ICA1: variants seen among roughly 807,000 people sequenced by gnomAD.
ICA1 encodes the protein islet cell autoantigen 1.
ICA1 carries 40 observed loss-of-function variants against 71.0 expected under a neutral mutation model. The ratio of observed to expected loss-of-function variants is 0.56; its 90% confidence interval spans 0.44 to 0.73. The LOEUF is 0.73. Among genes scored for constraint, ICA1 ranks in the 30% least tolerant of loss-of-function variants. The pLI is 0.00. For missense variants in ICA1, 578 were observed against 576.5 expected (o/e 1.00, Z -0.03); for synonymous variants, 207 against 209.5 (o/e 0.99, Z 0.10).
chr7:8,259,913 A>G (rs1811643224), intron 1 of ICA1, among the ~76,000 whole-genome samples: 1 of 152,194 alleles, frequency 6.6e-6, no homozygotes, highest in South Asian at 2.1e-4. Flanking sequence ...GATAAGATTC[A>G]TTAGTGATCT....
intron 6 of ICA1, among the ~76,000 whole-genome samples, chr7:8,201,734 G>C (rs560849111): frequency 1.3e-5 from 2 of 152,352 alleles, no homozygotes; most frequent in East Asian, 3.9e-4. Context: ...GAGGGAGGTG[G>C]CTGAGGGTGC....
At position 8,113,814 on chromosome 7, in the gene ICA1, A is replaced by C; in HGVS notation, c.*109T>G. On this transcript the variant is annotated 3_prime_UTR_variant, in exon 14 of 14. Coordinates refer to ENST00000402384, the MANE Select transcript of ICA1 (RefSeq NM_001136020.3). This position sits in a 1 kb window ranked among gnomAD's most constrained non-coding sequence, Gnocchi z 4.2. ...GGGCCGTTGACCCTTTCATTTTATT[A>C]AAATGGCACATAATTATTAAAACAG... The C allele has an allele frequency of 1.7e-6, 2 of 1,200,710 alleles. No individual in the cohort carries two copies. Among genetic ancestry groups the C allele is most frequent in the Non-Finnish European group, 2.4e-6 (2 of 824,430 alleles). The allele number at this position is 1,200,710 out of a possible 1,614,324, so 74.4% of individuals were successfully genotyped here. A position where few individuals can be genotyped will look rare whatever the true frequency, so the allele number is the denominator to read the frequency against.
intron 1 of ICA1, among the ~76,000 whole-genome samples, chr7:8,241,439 C>G (rs998462284): frequency 4.2e-4 from 64 of 152,340 alleles, no homozygotes; most frequent in Non-Finnish European, 1.6e-4. Context: ...AAAGGAATGA[C>G]TGGTACCAGC....
At chr7:8,243,526 T>G (rs1377436755) in intron 1 of ICA1, among the ~76,000 whole-genome samples, 1 of 152,200 alleles carries the variant, frequency 6.6e-6, no homozygotes, top group East Asian at 1.9e-4. Context: ...ATGTCCTCTC[T>G]CACCACTCCC....
intron 6 of ICA1, among the ~76,000 whole-genome samples, chr7:8,215,641 T>C (rs899245606): frequency 1.3e-5 from 2 of 152,200 alleles, no homozygotes; most frequent in Admixed American, 1.3e-4. Context: ...GACAAATAAA[T>C]GAATGAGTGG....
At chr7:8,246,903 C>A (rs767524195) in intron 1 of ICA1, among the ~76,000 whole-genome samples, 16 of 152,134 alleles carry the variant, frequency 1.1e-4, no homozygotes, top group Non-Finnish European at 2.1e-4. Context: ...TGTGCCACAA[C>A]GCCTGGCTAA....
chr7:8,142,893 G>C (rs1795694731), intron 9 of ICA1, among the ~76,000 whole-genome samples: 1 of 152,142 alleles, frequency 6.6e-6, no homozygotes, highest in Non-Finnish European at 1.5e-5. Context: ...GTGAGAACTT[G>C]TCTTCATTCT....
chr7:8,262,523 G>A (rs183979255), upstream of ICA1: 19 of 152,380 alleles, frequency 1.2e-4, no homozygotes, highest in African/African-American at 4.6e-4. Flanking sequence ...CCATCTCCTG[G>A]GGTATCCCCC....
chr7:8,177,235 C>T (rs974192136), intron 6 of ICA1, among the ~76,000 whole-genome samples: 2 of 152,152 alleles, frequency 1.3e-5, no homozygotes, highest in Non-Finnish European at 2.9e-5. Context: ...TATTCACAAT[C>T]GTGTAGTTTA....
rs774578683 is a variant in ICA1, at chr7:8,127,942, T to C, written c.1261A>G (p.Thr421Ala). 2.5e-6 allele frequency: 4 copies of C among 1,614,210 alleles called. No individual in the cohort carries two copies. Among genetic ancestry groups the C allele is most frequent in the Non-Finnish European group, 3.4e-6 (4 of 1,180,034 alleles). ...ALGEPDPKAQ[T>A]GSGFLPSQLL... Reference sequence around the variant, plus strand: ...TGCGAAGGAAGGAAACCTGAGCCTGTCTGGGCCTTGGGGTCTGGCTCTCCC... The same window carrying C: ...TGCGAAGGAAGGAAACCTGAGCCTGCCTGGGCCTTGGGGTCTGGCTCTCCC... Residue 421 changes from threonine (T) to alanine (A), a missense_variant, in exon 13 of 14, where the codon ACA becomes GCA. Transcript: ENST00000402384.
chr7:8,156,288 A>T (rs1478351760), intron 8 of ICA1, among the ~76,000 whole-genome samples: 1 of 152,262 alleles, frequency 6.6e-6, no homozygotes, highest in Non-Finnish European at 1.5e-5. Flanking sequence ...TTGTCAAGCA[A>T]GGTGATGAAA....
chr7:8,261,196 C>T (rs1051698629), intron 1 of ICA1, among the ~76,000 whole-genome samples: 1 of 152,180 alleles, frequency 6.6e-6, no homozygotes, highest in African/African-American at 2.4e-5. Flanking sequence ...TCTTTCCAAA[C>T]TAACTCTCCC....
chr7:8,231,023 G>C (rs1024137272), intron 3 of ICA1, among the ~76,000 whole-genome samples: 1 of 151,912 alleles, frequency 6.6e-6, no homozygotes, highest in Non-Finnish European at 1.5e-5. Context: ...AATTCAATGA[G>C]AGATGAGTAC....
At chr7:8,256,614 C>G (rs1428585870) in intron 1 of ICA1, among the ~76,000 whole-genome samples, 1 of 152,190 alleles carries the variant, frequency 6.6e-6, no homozygotes, top group African/African-American at 2.4e-5. Flanking sequence ...CCCCATGGGT[C>G]TTGCACTCCA....
intron 10 of ICA1, among the ~76,000 whole-genome samples, chr7:8,141,245 A>T (rs1383830651): frequency 3.9e-5 from 6 of 152,190 alleles, no homozygotes; most frequent in African/African-American, 1.4e-4. Flanking sequence ...CCCTTCTCCT[A>T]ACACATCAGG....
chr7:8,201,450 G>A (rs1305448751), intron 6 of ICA1, among the ~76,000 whole-genome samples: 5 of 152,140 alleles, frequency 3.3e-5, no homozygotes, highest in Admixed American at 2.6e-4. Context: ...AGGGAACTGG[G>A]CCTTTTAAAG....
At chr7:8,202,618 A>G (rs1031511373) in intron 6 of ICA1, among the ~76,000 whole-genome samples, 1 of 152,230 alleles carries the variant, frequency 6.6e-6, no homozygotes, top group African/African-American at 2.4e-5. Context: ...AAGCACAGAA[A>G]TGCCATTCTG....
intron 4 of ICA1, among the ~76,000 whole-genome samples, chr7:8,225,037 T>A (rs1249871610): frequency 2.0e-5 from 3 of 152,186 alleles, no homozygotes. Flanking sequence ...GTTTCTCCAC[T>A]GCAAAGTTAA....
At chr7:8,256,350 T>A (rs563049802) in intron 1 of ICA1, among the ~76,000 whole-genome samples, 1 of 152,242 alleles carries the variant, frequency 6.6e-6, no homozygotes. Context: ...CCCCTTTACA[T>A]CCTGGCTCCC....
Sources: gnomAD v4.1 joint callset for allele counts (sites outside exome capture counted in the v4.1 genomes callset) on GRCh38, gnomAD v4.1.1 for gene constraint, Gnocchi (gnomAD v3.1) non-coding constraint, MANE v1.5 for transcripts, NCBI Gene and HGNC (gene_info 2026-07-23, HGNC 2026-07-21) for gene names.